Variants in MTFR1 observed in about 807,000 individuals in gnomAD.
MTFR1 encodes the protein chondrocyte protein with a poly-proline region.
Under a neutral mutation model 38.8 loss-of-function variants are expected in MTFR1, and 28 were observed. The observed-to-expected ratio is 0.72, with a 90% CI of 0.53 to 0.99. The LOEUF (loss-of-function observed/expected upper bound fraction) is 0.99, where lower values mean the gene tolerates loss of function less well. Ranked by LOEUF, MTFR1 falls within the 50% of genes least tolerant of loss-of-function variation. MTFR1 has a pLI of 0.00. For synonymous variants in MTFR1, 145 were observed against 137.0 expected, an observed-to-expected ratio of 1.06 and a Z score of -0.41; for missense variants, 358 against 395.5, an observed-to-expected ratio of 0.91 and a Z score of 0.81.
intron 1 of MTFR1, among the ~76,000 whole-genome samples, chr8:65,662,039 CT>C: frequency 1.3e-5 from 1 of 75,094 alleles, no homozygotes; most frequent in South Asian, 3.8e-4. Context: ...CTCCCTCTCT[CT>C]CCCTCTCTCT....
In MTFR1 at chr8:65,655,954, ATATATATATATATACC is replaced by A. The variant is rs1417210346; in HGVS notation, c.-81+11171_-81+11186del. Among the ~76,000 whole-genome samples the A allele has an allele frequency of 1.0e-4, 3 of 29,830 alleles. 1 individual carries two copies. In the African/African-American group the frequency reaches 1.0e-3, roughly 10 times the overall value. The allele number at this position is 29,830 out of a possible 152,430, so 19.6% of individuals were successfully genotyped here. On this transcript the variant is annotated intron_variant, in intron 1 of 7. Transcript: ENST00000262146. Reference sequence around the variant, plus strand: ...AAGACTCTGTCTTAAAAAAAAAAATATATATATATATATACCATATATATATATATGGTAGTGGGTT... The same window carrying A: ...AAGACTCTGTCTTAAAAAAAAAAATAATATATATATATATGGTAGTGGGTT...
At chr8:65,714,488 G>T (rs1806054329), downstream of MTFR1, 1 of 151,946 alleles carries the variant, frequency 6.6e-6, no homozygotes, top group African/African-American at 2.4e-5. Context: ...GGCTCTTGGG[G>T]GCCTTCCAGA....
chr8:65,765,113 G>A (rs149410331), intron 3 of MTFR1, among the ~76,000 whole-genome samples: 4 of 152,280 alleles, frequency 2.6e-5, no homozygotes, highest in Non-Finnish European at 5.9e-5. Context: ...AGAGCTTATA[G>A]GCTACAATGT....
At position 65,661,380 on chromosome 8, in the gene MTFR1, G is replaced by A. The variant is rs570331366; in HGVS notation, c.-80-8493G>A. Among the ~76,000 whole-genome samples, 52 of 152,330 alleles carry A rather than the reference G, an allele frequency of 3.4e-4. No individual in the cohort carries two copies. The South Asian group carries it at 0.01, about 30-fold the overall frequency. ...TAAAAAATAAACTCTGTTTTAGCCT[G>A]TAACCCCAGCACTTTGGGAGGCTGA... On this transcript the variant is annotated intron_variant, in intron 1 of 7. Transcript: ENST00000262146.
At chr8:65,645,449 C>T (rs879238978) in intron 1 of MTFR1, among the ~76,000 whole-genome samples, 1 of 152,170 alleles carries the variant, frequency 6.6e-6, no homozygotes, top group Non-Finnish European at 1.5e-5. Flanking sequence ...AGAAATTGAA[C>T]GAAGGATATA....
chr8:65,764,119 A>G (rs978275943), intron 3 of MTFR1, among the ~76,000 whole-genome samples: 10 of 152,216 alleles, frequency 6.6e-5, no homozygotes, highest in Non-Finnish European at 8.8e-5. Context: ...GCTAATCTCT[A>G]CAAGCACCAC....
chr8:65,773,598 A>G (rs1044365273), downstream of MTFR1, among the ~76,000 whole-genome samples: 13 of 152,188 alleles, frequency 8.5e-5, no homozygotes, highest in African/African-American at 3.1e-4. Flanking sequence ...TTCATTTATT[A>G]TCCAATTTGA....
chr8:65,647,553 A>G (rs1485564499), intron 1 of MTFR1, among the ~76,000 whole-genome samples: 4 of 152,180 alleles, frequency 2.6e-5, no homozygotes, highest in African/African-American at 9.6e-5. Context: ...CAGTTGATCC[A>G]ACTGCCTCAG....
intron 3 of MTFR1, among the ~76,000 whole-genome samples, chr8:65,735,512 T>TGTTGCCCAGGCTGGTTTC (rs1563477330): frequency 6.6e-6 from 1 of 152,016 alleles, no homozygotes; most frequent in East Asian, 1.9e-4. Context: ...GATCTTGCCA[T>TGTTGCCCAGGCTGGTTTC]GTTGCCCAGG....
intron 3 of MTFR1, chr8:65,734,988 TTCATG>T (rs2128897695): frequency 1.3e-6 from 1 of 782,524 alleles, no homozygotes; most frequent in South Asian, 1.5e-5. Context: ...ACTCATACTT[TTCATG>T]TAGCTATCGG....
intron 1 of MTFR1, among the ~76,000 whole-genome samples, chr8:65,665,084 G>T (rs1340046843): frequency 6.6e-6 from 1 of 151,690 alleles, no homozygotes; most frequent in Non-Finnish European, 1.5e-5. Flanking sequence ...ACAGACACGT[G>T]CCACCATGCC....
At chr8:65,680,798 T>G (rs1307236858) in intron 2 of MTFR1, among the ~76,000 whole-genome samples, 1 of 152,108 alleles carries the variant, frequency 6.6e-6, no homozygotes, top group African/African-American at 2.4e-5. Context: ...TTTTATTTTG[T>G]TTTATTTTTG....
At chr8:65,718,920 C>G (rs1806257248) in intron 2 of MTFR1, 1 of 264,736 alleles carries the variant, frequency 3.8e-6, no homozygotes, top group Non-Finnish European at 7.4e-6. Flanking sequence ...ATTGTTGCAT[C>G]AGACTGGTTA....
intron 3 of MTFR1, among the ~76,000 whole-genome samples, chr8:65,750,739 A>G (rs534974777): frequency 1.3e-5 from 2 of 152,152 alleles, no homozygotes; most frequent in South Asian, 4.2e-4. Flanking sequence ...TCCCCTGCCT[A>G]ACTCTTATTT....
chr8:65,727,028 T>G, intron 3 of MTFR1: 3 of 1,025,050 alleles, frequency 2.9e-6, no homozygotes, highest in Non-Finnish European at 4.6e-6. Context: ...ATATCATTAC[T>G]AACAATACTG....
Position 65,716,097 on chromosome 8 carries a change from G to A in MTFR1, c.382-3283G>A, listed in dbSNP as rs184662720. ...TGCTTGAGCCTAGGAGGTGGAGGCT[G>A]CAGTGATCATGCCACTGCACTCCAG... On this transcript the variant is annotated intron_variant, in intron 2 of 3. Coordinates refer to the MTFR1 transcript ENST00000521247. 1.9e-4 allele frequency among the ~76,000 whole-genome samples: 28 copies of A among 146,840 alleles called. No individual in the cohort carries two copies. The East Asian group carries it at 5.2e-3, about 27-fold the overall frequency.
downstream of MTFR1, among the ~76,000 whole-genome samples, chr8:65,773,046 C>A (rs1353227397): frequency 1.3e-5 from 2 of 152,082 alleles, no homozygotes; most frequent in Non-Finnish European, 2.9e-5. Context: ...AAGCTAACTC[C>A]TGCAGAGAAC....
At chr8:65,644,126 C>G (rs1808885150), upstream of MTFR1, among the ~76,000 whole-genome samples, 2 of 152,208 alleles carry the variant, frequency 1.3e-5, no homozygotes, top group Non-Finnish European at 2.9e-5. Context: ...CATATTTTCA[C>G]GACAATTATT....
chr8:65,753,105 TTCATCAGTTCTATGGCAGCACTATTCC>T (rs1206152849), intron 3 of MTFR1, among the ~76,000 whole-genome samples: 2 of 152,358 alleles, frequency 1.3e-5, no homozygotes, highest in South Asian at 4.1e-4. Flanking sequence ...AGTCACAATT[TTCATCAGTTCTATGGCAGCACTATTCC>T]ATTAAGTGCT....
Sources: gnomAD v4.1 joint callset for allele counts (sites outside exome capture counted in the v4.1 genomes callset) on GRCh38, gnomAD v4.1.1 for gene constraint, MANE v1.5 for transcripts, NCBI Gene and HGNC (gene_info 2026-07-23, HGNC 2026-07-21) for gene names.